MAFG: variants seen among roughly 807,000 people sequenced by gnomAD.
The protein encoded by MAFG is MAF bZIP transcription factor G.
In MAFG, 3 loss-of-function variants were observed where a neutral mutation model predicts 12.2. That is an observed-to-expected ratio of 0.25 (90% confidence interval 0.11 to 0.64). MAFG has a LOEUF of 0.64. Ranked by LOEUF, MAFG falls within the 30% of genes least tolerant of loss-of-function variation. The pLI is 0.85. For synonymous variants in MAFG, 126 were observed against 109.1 expected (o/e 1.15, Z -0.96); for missense variants, 153 against 235.5 (o/e 0.65, Z 2.29).
At chr17:81,923,715 T>C (rs1022535102) in intron 1 of MAFG, among the ~76,000 whole-genome samples, 8 of 151,770 alleles carry the variant, frequency 5.3e-5, no homozygotes, top group East Asian at 1.9e-4. Context: ...GCCTGGCCAA[T>C]AGCAGGTGAG....
intron 1 of MAFG, among the ~76,000 whole-genome samples, chr17:81,927,088 C>T (rs928878281): frequency 1.3e-5 from 2 of 151,548 alleles, no homozygotes; most frequent in East Asian, 2.0e-4. Context: ...TCGCCGCGGA[C>T]CCCCGCGCCG....
At chr17:81,923,875 C>G (rs556598986) in intron 1 of MAFG, among the ~76,000 whole-genome samples, 1 of 152,360 alleles carries the variant, frequency 6.6e-6, no homozygotes, top group East Asian at 1.9e-4. Flanking sequence ...CAGGGAACCC[C>G]GAGTCTCCCA....
In MAFG at chr17:81,923,135, T is replaced by C; in HGVS notation, c.36+15A>G. 1 of 1,611,730 alleles carries C rather than the reference T, an allele frequency of 6.2e-7. No individual in the cohort carries two copies. Among genetic ancestry groups the C allele is most frequent in the Admixed American group, 1.7e-5 (1 of 59,812 alleles). Reference sequence around the variant, plus strand: ...CCCGACCCCAGCCCACAGGCTCCTGTCCCTGCCCACTCACCTTCAAGGCCT... The same window carrying C: ...CCCGACCCCAGCCCACAGGCTCCTGCCCCTGCCCACTCACCTTCAAGGCCT... On this transcript the variant is annotated intron_variant, in intron 2 of 2. Coordinates refer to ENST00000357736, the MANE Select transcript of MAFG (RefSeq NM_002359.4).
chr17:81,927,919 GCGC>G (rs2040956265), upstream of MAFG: 1 of 152,278 alleles, frequency 6.6e-6, no homozygotes, highest in East Asian at 1.9e-4. Context: ...CACGGCCAAA[GCGC>G]CAGGTCTCCA....
rs1350170608 is a variant in MAFG, at chr17:81,921,683, TTTTTC to T, written c.*917_*921del. ...CCGTAAGTTTACAAGAAAGGGATTT[TTTTTC>T]TTTTTTTTTCTTTTTTTTTTAACTA... On this transcript the variant is annotated 3_prime_UTR_variant, in exon 3 of 3. Coordinates refer to ENST00000357736, the MANE Select transcript of MAFG (RefSeq NM_002359.4). The T allele has an allele frequency of 6.6e-6, 1 of 150,896 alleles. No individual in the cohort carries two copies. Among genetic ancestry groups the T allele is most frequent in the South Asian group, 2.1e-4 (1 of 4,828 alleles). 9.3% of individuals were successfully genotyped at this position (150,896 alleles called of 1,614,324 possible).
chr17:81,928,441 A>C (rs559400916), upstream of MAFG: 2 of 152,002 alleles, frequency 1.3e-5, no homozygotes, highest in Non-Finnish European at 2.9e-5. The surrounding 1 kb of genome is among the most constrained non-coding windows in gnomAD (Gnocchi z 8.1). Context: ...CCGCCCCGCC[A>C]GCAGGTGAGC....
At chr17:81,925,534 C>T (rs768405836) in intron 1 of MAFG, among the ~76,000 whole-genome samples, 4 of 152,166 alleles carry the variant, frequency 2.6e-5, no homozygotes, top group Admixed American at 6.5e-5. Flanking sequence ...AAATGGGCCG[C>T]GCGGTGGCTC....
At position 81,920,105 on chromosome 17, in the gene MAFG, T is replaced by A. The variant is rs1319138204; in HGVS notation, c.*2500A>T. Reference sequence around the variant, plus strand: ...CTGTTTCTCCCCACTCCGAGGCAGATCATGACGTTTTCTTCATGGATACTT... The same window carrying A: ...CTGTTTCTCCCCACTCCGAGGCAGAACATGACGTTTTCTTCATGGATACTT... On this transcript the variant is annotated 3_prime_UTR_variant, in exon 3 of 3. Coordinates refer to ENST00000357736, the MANE Select transcript of MAFG (RefSeq NM_002359.4). The A allele has an allele frequency of 6.6e-6, 1 of 152,158 alleles. No homozygotes were observed. Among genetic ancestry groups the A allele is most frequent in the East Asian group, 1.9e-4 (1 of 5,194 alleles). 9.4% of individuals were successfully genotyped at this position (152,158 alleles called of 1,614,324 possible).
rs1410886359 is a variant in MAFG, at chr17:81,920,941, G to A, written c.*1664C>T. The A allele has an allele frequency of 3.3e-5, 5 of 152,406 alleles. No individual in the cohort carries two copies. The highest frequency in any genetic ancestry group is 1.2e-4 in the African/African-American group (5 of 41,464). The allele number at this position is 152,406 out of a possible 1,614,324, so 9.4% of individuals were successfully genotyped here. ...ACCTCAGGGATCAAGCGGGCGGCGA[G>A]ACCTGCAGCCCACGGCGCGGGCAGC... On this transcript the variant is annotated 3_prime_UTR_variant, in exon 3 of 3. Transcript: ENST00000357736.
At chr17:81,925,197 C>T (rs149062888) in intron 1 of MAFG, among the ~76,000 whole-genome samples, 2 of 149,524 alleles carry the variant, frequency 1.3e-5, no homozygotes, top group African/African-American at 5.2e-5. Context: ...CTGTCATGCA[C>T]CCTCTGCTCC....
chr17:81,922,407 C>T lies in MAFG; in HGVS notation c.*198G>A, dbSNP rs1289017649. On this transcript the variant is annotated 3_prime_UTR_variant, in exon 3 of 3. Transcript: ENST00000357736. ...CGCCGAACTGACCAATCCCAACATA[C>T]AAAACACACGACGACAATGACGAGA... 3 of 461,418 alleles carry T rather than the reference C, an allele frequency of 6.5e-6. No individual in the cohort carries two copies. The highest frequency in any genetic ancestry group is 1.1e-5 in the Non-Finnish European group (3 of 267,468). The allele number at this position is 461,418 out of a possible 1,614,324, so 28.6% of individuals were successfully genotyped here. A position where few individuals can be genotyped will look rare whatever the true frequency, so the allele number is the denominator to read the frequency against.
At chr17:81,927,460 C>A (rs2040951025) in intron 1 of MAFG, 68 bp downstream of exon 1, 1 of 147,856 alleles carries the variant, frequency 6.8e-6, no homozygotes, top group Non-Finnish European at 1.5e-5. Flanking sequence ...CCTGCGCGCC[C>A]CCTCGGCCCC....
Position 81,923,202 on chromosome 17 carries a change from G to A in MAFG, c.-17C>T, listed in dbSNP as rs375918714. The stretch of plus-strand genomic sequence containing the variant: ...GGTCGTCATAACCCGGGGGCACAGC[G>A]AGCAGGCGCTCTCTGCAAGACACGG... On this transcript the variant is annotated 5_prime_UTR_variant, in exon 2 of 3. Transcript: ENST00000357736. 4.3e-5 allele frequency: 69 copies of A among 1,590,658 alleles called. No homozygotes were observed. Among genetic ancestry groups the A allele is most frequent in the East Asian group, 6.8e-5 (3 of 44,360 alleles).
intron 1 of MAFG, among the ~76,000 whole-genome samples, chr17:81,925,295 TGA>T (rs1367860886): frequency 2.0e-5 from 3 of 152,184 alleles, no homozygotes; most frequent in Non-Finnish European, 4.4e-5. Context: ...CCATTCACAC[TGA>T]GAGCCAGGAA....
rs2040901301 is a variant in MAFG at position 81,922,563 on chromosome 17, C to T, written c.*42G>A. 1 of 1,389,782 alleles carries T rather than the reference C, an allele frequency of 7.2e-7. No homozygotes were observed. Among genetic ancestry groups the T allele is most frequent in the Admixed American group, 3.4e-5 (1 of 29,118 alleles). 86.1% of individuals were successfully genotyped at this position (1,389,782 alleles called of 1,614,324 possible). On this transcript the variant is annotated 3_prime_UTR_variant, in exon 3 of 3. Coordinates refer to ENST00000357736, the MANE Select transcript of MAFG (RefSeq NM_002359.4). ...ACAGGGCAGCCAAATTCGCCATGTG[C>T]CTAGTGGCCCCGCAAAGACCCGCCT...
At chr17:81,925,255 C>T (rs2040930043) in intron 1 of MAFG, among the ~76,000 whole-genome samples, 1 of 152,356 alleles carries the variant, frequency 6.6e-6, no homozygotes, top group East Asian at 1.9e-4. Flanking sequence ...ATGGTCACGG[C>T]TCCGCAACCT....
At chr17:81,923,098 C>T (rs1567914706) in intron 2 of MAFG, 41 bp from the exon 3 acceptor site, 2 of 1,610,188 alleles carry the variant, frequency 1.2e-6, no homozygotes, top group Non-Finnish European at 1.7e-6. Flanking sequence ...AGCGGGCACG[C>T]CCACTGTGCC....
Position 81,920,129 on chromosome 17 carries a change from TTATGA to T in MAFG, c.*2471_*2475del, listed in dbSNP as rs945717771. On this transcript the variant is annotated 3_prime_UTR_variant, in exon 3 of 3. Coordinates refer to ENST00000357736, the MANE Select transcript of MAFG (RefSeq NM_002359.4). ...ATCATGACGTTTTCTTCATGGATAC[TTATGA>T]TATGATTCCAACTAACGCCTGGATT... 6 of 152,222 alleles carry T rather than the reference TTATGA, an allele frequency of 3.9e-5. No homozygotes were observed. The highest frequency in any genetic ancestry group is 5.9e-5 in the Non-Finnish European group (4 of 68,054). The allele number at this position is 152,222 out of a possible 1,614,324, so 9.4% of individuals were successfully genotyped here.
rs1420726745 is a variant in MAFG, at chr17:81,922,650, G to A, written c.444C>T (p.Thr148=). Residue 148 remains threonine (T), a synonymous_variant, in exon 3 of 3, where the codon ACC becomes ACT. Transcript: ENST00000357736. The stretch of plus-strand genomic sequence containing the variant: ...TGGACTTTACTATTGTGATGACGCT[G>A]GTGGCGGCCACCTTGCCTGGGACGA... The part of the protein sequence containing the change: ...GPLVPGKVAA[T]SVITIVKSKT... The A allele has an allele frequency of 6.6e-7, 1 of 1,504,416 alleles. No individual in the cohort carries two copies. The highest frequency in any genetic ancestry group is 8.8e-7 in the Non-Finnish European group (1 of 1,131,344). 93.2% of individuals were successfully genotyped at this position (1,504,416 alleles called of 1,614,324 possible). A position where few individuals can be genotyped will look rare whatever the true frequency, so the allele number is the denominator to read the frequency against.
Sources: allele counts gnomAD v4.1 joint callset (sites outside exome capture counted in the v4.1 genomes callset), GRCh38; gene constraint gnomAD v4.1.1; non-coding constraint Gnocchi (gnomAD v3.1); transcripts MANE v1.5; gene names NCBI Gene and HGNC (gene_info 2026-07-23, HGNC 2026-07-21).